SEMA4D: variants seen among roughly 807,000 people sequenced by gnomAD.
The protein encoded by SEMA4D is semaphorin 4D.
A neutral mutation model predicts 74.8 loss-of-function variants in SEMA4D; 22 were observed. The observed-to-expected ratio is 0.29, with a 90% CI of 0.21 to 0.42. The LOEUF is 0.42. SEMA4D is among the 10% of genes least tolerant of loss of function. The pLI is 1.00. For synonymous variants in SEMA4D, 445 were observed against 463.7 expected (o/e 0.96, Z 0.52); for missense variants, 937 against 1,118.4 (o/e 0.84, Z 2.31).
intron 1 of SEMA4D, among the ~76,000 whole-genome samples, chr9:89,486,027 C>T (rs899466666): frequency 1.2e-4 from 19 of 152,100 alleles, no homozygotes; most frequent in African/African-American, 2.4e-4. Flanking sequence ...CTCCATGAGA[C>T]GGATAGAGTT....
intron 1 of SEMA4D, among the ~76,000 whole-genome samples, chr9:89,470,769 AC>A (rs1156945251): frequency 6.6e-6 from 1 of 152,240 alleles, no homozygotes. Context: ...CCTCAACGGC[AC>A]AGTGGTGAGT....
chr9:89,449,456 T>C (rs1853798034), intron 2 of SEMA4D: 1 of 661,876 alleles, frequency 1.5e-6, no homozygotes, highest in Admixed American at 2.4e-5. Context: ...TCGCTGGCCC[T>C]CTCCTCGAGG....
intron 11 of SEMA4D, among the ~76,000 whole-genome samples, 159 bp downstream of exon 11, chr9:89,388,474 GGAA>G (rs1425333887): frequency 6.6e-6 from 1 of 152,272 alleles, no homozygotes; most frequent in Non-Finnish European, 1.5e-5. Context: ...CATGCAAAAG[GGAA>G]GAAGGATGAG....
intron 16 of SEMA4D, chr9:89,368,505 G>A (rs1301053416): frequency 1.3e-5 from 2 of 152,682 alleles, no homozygotes; most frequent in Non-Finnish European, 2.9e-5. Context: ...ACCCTTCTGG[G>A]GACAAGGACA....
At chr9:89,410,063 G>A (rs1245451078) in intron 2 of SEMA4D, among the ~76,000 whole-genome samples, 2 of 151,882 alleles carry the variant, frequency 1.3e-5, no homozygotes, top group Admixed American at 6.6e-5. Flanking sequence ...GGCTCTCCAC[G>A]GGGTGGGCAG....
chr9:89,470,233 A>C (rs1469129815), intron 1 of SEMA4D, among the ~76,000 whole-genome samples: 2 of 152,238 alleles, frequency 1.3e-5, no homozygotes, highest in Non-Finnish European at 2.9e-5. Flanking sequence ...TGCAAATCAC[A>C]TATCTGACAA....
downstream of SEMA4D, among the ~76,000 whole-genome samples, chr9:89,373,353 C>A (rs1835370110): frequency 1.3e-5 from 2 of 152,180 alleles, no homozygotes; most frequent in Admixed American, 1.3e-4. Context: ...TCCCTGGGGC[C>A]ACTTTCTGAG....
At position 89,396,838 on chromosome 9, in the gene SEMA4D, G is replaced by T. The variant is rs1325217878; in HGVS notation, c.316-3C>A. 1 of 1,612,304 alleles carries T rather than the reference G, an allele frequency of 6.2e-7. No individual in the cohort carries two copies. Among genetic ancestry groups the T allele is most frequent in the Admixed American group, 1.7e-5 (1 of 59,848 alleles). On this transcript the variant is annotated splice_polypyrimidine_tract_variant and splice_region_variant and intron_variant, in intron 5 of 15. Transcript: ENST00000422704. ...CGGATGTAGTTGAGGCACTCTGTCT[G>T]CAGGGAAGAGAAATGCACCATTAGC...
At position 89,455,921 on chromosome 9, in the gene SEMA4D, T is replaced by C. The variant is rs995897411; in HGVS notation, c.-277A>G. 6.6e-6 allele frequency: 1 copy of C among 152,248 alleles called. No individual in the cohort carries two copies. Among genetic ancestry groups the C allele is most frequent in the African/African-American group, 2.4e-5 (1 of 41,466 alleles). The allele number at this position is 152,248 out of a possible 1,614,324, so 9.4% of individuals were successfully genotyped here. A position where few individuals can be genotyped will look rare whatever the true frequency, so the allele number is the denominator to read the frequency against. On this transcript the variant is annotated 5_prime_UTR_variant, in exon 2 of 16. The change abolishes an upstream ATG in the 5' untranslated region. Transcript: ENST00000422704. ...CAGTGTCGTCAAACATTTCAGCACA[T>C]GGTTTCTTTCCACTATCTGGTGTTA...
chr9:89,387,548 T>A lies in SEMA4D; in HGVS notation c.1168A>T (p.Thr390Ser). Residue 390 changes from threonine to serine, a missense_variant, in exon 12 of 16, where the codon ACG (threonine) becomes TCG (serine). By Grantham distance (58) the Thr-to-Ser change is moderately conservative (BLOSUM62 1). Coordinates refer to ENST00000422704, the MANE Select transcript of SEMA4D (RefSeq NM_001371194.2). ...YTSSLNLPDK[T>S]LQFVKDHPLM... Reference sequence around the variant, plus strand: ...GGGTGGTCTTTAACGAACTGCAGCGTCTTGTCTGGCAAATTCAAGGAGCTG... The same window carrying A: ...GGGTGGTCTTTAACGAACTGCAGCGACTTGTCTGGCAAATTCAAGGAGCTG... The A allele has an allele frequency of 3.7e-6, 6 of 1,614,248 alleles. No individual in the cohort carries two copies. The highest frequency in any genetic ancestry group is 4.2e-6 in the Non-Finnish European group (5 of 1,180,048).
intron 2 of SEMA4D, chr9:89,450,079 C>T (rs1051407078): frequency 3.9e-6 from 5 of 1,284,142 alleles, no homozygotes; most frequent in Non-Finnish European, 4.5e-6. Flanking sequence ...AACAAAGTTG[C>T]CCACTTATTT....
At chr9:89,445,090 C>T (rs1167719756) in intron 2 of SEMA4D, among the ~76,000 whole-genome samples, 1 of 152,198 alleles carries the variant, frequency 6.6e-6, no homozygotes, top group East Asian at 1.9e-4. Context: ...CCCTTGAAGA[C>T]TGACAAGTCA....
At chr9:89,396,903 C>G in intron 5 of SEMA4D, 68 bp from the exon 6 acceptor site, 1 of 1,403,416 alleles carries the variant, frequency 7.1e-7, no homozygotes, top group Non-Finnish European at 9.9e-7. Flanking sequence ...TCAAACTGCT[C>G]ACGCCGTTCA....
rs544314859 is a variant in SEMA4D at position 89,450,647 on chromosome 9, T to A, written c.-244+5241A>T. The stretch of plus-strand genomic sequence containing the variant: ...AGACCCTCCTCCAGAGTTCTGCAAG[T>A]CGAAAAACCCAGGAAAAAAAAAAAA... On this transcript the variant is annotated intron_variant, in intron 2 of 15. Transcript: ENST00000422704. 1.3e-4 allele frequency: 71 copies of A among 532,410 alleles called. No homozygotes were observed. The African/African-American group carries it at 2.0e-3, about 15-fold the overall frequency. The allele number at this position is 532,410 out of a possible 1,614,324, so 33.0% of individuals were successfully genotyped here. A position where few individuals can be genotyped will look rare whatever the true frequency, so the allele number is the denominator to read the frequency against.
intron 8 of SEMA4D, 108 bp from the exon 9 acceptor site, chr9:89,391,523 C>A: frequency 9.4e-7 from 1 of 1,060,590 alleles, no homozygotes; most frequent in Non-Finnish European, 1.4e-6. Flanking sequence ...GAGGGCTTCC[C>A]TGCAAGGATG....
chr9:89,494,787 T>C (rs543940387), intron 1 of SEMA4D, among the ~76,000 whole-genome samples: 40 of 152,266 alleles, frequency 2.6e-4, no homozygotes, highest in African/African-American at 9.6e-4. Context: ...TCCCCTCTGC[T>C]TCCCCACCCC....
chr9:89,459,067 G>T (rs1215933543), intron 1 of SEMA4D, among the ~76,000 whole-genome samples: 1 of 152,204 alleles, frequency 6.6e-6, no homozygotes, highest in Non-Finnish European at 1.5e-5. Context: ...ACACGCTGGG[G>T]AAAGAATCAC....
intron 1 of SEMA4D, among the ~76,000 whole-genome samples, chr9:89,460,607 C>T (rs1856980398): frequency 6.6e-6 from 1 of 152,258 alleles, no homozygotes; most frequent in South Asian, 2.1e-4. Context: ...AACCGAGGTT[C>T]CACCGGTTCA....
chr9:89,405,996 C>T, intron 2 of SEMA4D: 2 of 1,037,452 alleles, frequency 1.9e-6, no homozygotes, highest in Non-Finnish European at 2.3e-6. Flanking sequence ...ACATGGCCGG[C>T]TGGCTGCCCA....
Sources: allele counts gnomAD v4.1 joint callset (sites outside exome capture counted in the v4.1 genomes callset), GRCh38; gene constraint gnomAD v4.1.1; transcripts MANE v1.5; gene names NCBI Gene and HGNC (gene_info 2026-07-23, HGNC 2026-07-21).